RARB: variants seen among roughly 807,000 people sequenced by gnomAD.
RARB encodes the protein retinoic acid receptor beta.
A neutral mutation model predicts 51.9 loss-of-function variants in RARB; 17 were observed. The ratio of observed to expected loss-of-function variants is 0.33; its 90% CI spans 0.22 to 0.49. RARB has a LOEUF of 0.49. Ranked by LOEUF, RARB falls within the 20% of genes least tolerant of loss-of-function variation. The probability of loss-of-function intolerance (pLI) is 0.99; values close to 1 mark genes in which losing one functional copy is unlikely to be tolerated. For synonymous variants in RARB, 215 were observed against 195.4 expected, an observed-to-expected ratio of 1.10 and a Z score of -0.84; for missense variants, 369 against 550.8, an observed-to-expected ratio of 0.67 and a Z score of 3.30.
At chr3:25,069,594 C>G (rs574502025) in intron 3 of RARB, among the ~76,000 whole-genome samples, 1 of 152,108 alleles carries the variant, frequency 6.6e-6, no homozygotes, top group Non-Finnish European at 1.5e-5. Flanking sequence ...TGTCTACCAC[C>G]TGGATGTAAA....
chr3:25,099,748 C>T (rs1239423977), intron 3 of RARB, among the ~76,000 whole-genome samples: 5 of 151,966 alleles, frequency 3.3e-5, no homozygotes, highest in South Asian at 4.1e-4. Context: ...TGTCCTTTTT[C>T]GGTTTTCCGA....
At chr3:25,467,702 A>G (rs1695498578) in intron 2 of RARB, among the ~76,000 whole-genome samples, 1 of 152,254 alleles carries the variant, frequency 6.6e-6, no homozygotes, top group Non-Finnish European at 1.5e-5. Context: ...GGGAGAGCCT[A>G]CCAGAACTTG....
chr3:25,144,503 A>G (rs1477238576), intron 4 of RARB, among the ~76,000 whole-genome samples: 1 of 152,164 alleles, frequency 6.6e-6, no homozygotes, highest in Non-Finnish European at 1.5e-5. Context: ...AATTCAGATC[A>G]AATGCATATA....
At position 25,428,726 on chromosome 3, in the gene RARB, G is replaced by A; in HGVS notation, c.-6G>A. The A allele has an allele frequency of 6.2e-7, 1 of 1,613,182 alleles. No individual in the cohort carries two copies. The highest frequency in any genetic ancestry group is 1.7e-4 in the Middle Eastern group (1 of 6,046). ...ACTTTTGCAGACATTCAGTGCAAGG[G>A]AGATCATGTTTGACTGTATGGATGT... On this transcript the variant is annotated 5_prime_UTR_variant, in exon 1 of 8. Transcript: ENST00000330688.
intron 2 of RARB, among the ~76,000 whole-genome samples, chr3:24,894,447 ATTC>A (rs1156823495): frequency 2.0e-5 from 3 of 152,042 alleles, no homozygotes; most frequent in African/African-American, 4.8e-5. Context: ...ACATGATTTT[ATTC>A]TTCTTTATGG....
intron 2 of RARB, among the ~76,000 whole-genome samples, chr3:24,951,604 A>G (rs918074088): frequency 7.2e-5 from 11 of 152,178 alleles, no homozygotes; most frequent in African/African-American, 2.4e-4. Flanking sequence ...CTAGGCATCC[A>G]TTGTGAGGCT....
At chr3:25,348,014 G>A (rs374995492) in intron 5 of RARB, among the ~76,000 whole-genome samples, 3 of 152,132 alleles carry the variant, frequency 2.0e-5, no homozygotes, top group South Asian at 4.1e-4. Flanking sequence ...CATTGCAAAC[G>A]TACTGATTAA....
At chr3:25,099,936 G>A (rs1699368694) in intron 3 of RARB, among the ~76,000 whole-genome samples, 2 of 152,128 alleles carry the variant, frequency 1.3e-5, no homozygotes, top group African/African-American at 4.8e-5. Flanking sequence ...GGACTACCTT[G>A]GCTCCTTGGC....
intron 4 of RARB, among the ~76,000 whole-genome samples, chr3:25,160,687 T>C (rs1700460041): frequency 6.6e-6 from 1 of 152,196 alleles, no homozygotes; most frequent in Non-Finnish European, 1.5e-5. Context: ...AAGCTTAAAA[T>C]AGAAATGTAT....
chr3:24,917,253 C>A (rs1306013021), intron 2 of RARB, among the ~76,000 whole-genome samples: 1 of 151,976 alleles, frequency 6.6e-6, no homozygotes, highest in Non-Finnish European at 1.5e-5. Flanking sequence ...AACTTCATGA[C>A]CTTAGGTTAA....
At chr3:25,245,712 C>G (rs1470286278) in intron 5 of RARB, among the ~76,000 whole-genome samples, 1 of 152,154 alleles carries the variant, frequency 6.6e-6, no homozygotes, top group Non-Finnish European at 1.5e-5. Flanking sequence ...GTAACCTGAC[C>G]TTTCTCTCTG....
At chr3:25,423,575 C>T (rs1348724563), upstream of RARB, among the ~76,000 whole-genome samples, 1 of 152,148 alleles carries the variant, frequency 6.6e-6, no homozygotes, top group Non-Finnish European at 1.5e-5. Flanking sequence ...ATGCCTGGCA[C>T]ATGGTAGGTA....
At chr3:24,997,356 G>A (rs1167549870) in intron 2 of RARB, among the ~76,000 whole-genome samples, 2 of 151,424 alleles carry the variant, frequency 1.3e-5, no homozygotes, top group East Asian at 1.9e-4. Context: ...GTCTTTACAG[G>A]TGATGTTGGC....
At chr3:24,982,345 C>G (rs533387490) in intron 2 of RARB, among the ~76,000 whole-genome samples, 1 of 152,224 alleles carries the variant, frequency 6.6e-6, no homozygotes, top group Non-Finnish European at 1.5e-5. Flanking sequence ...ATTTCTACAT[C>G]TTTTCTCAGA....
intron 2 of RARB, among the ~76,000 whole-genome samples, chr3:24,897,751 G>GT (rs766821667): frequency 0.048 from 3,520 of 72,900 alleles, 81 homozygotes; most frequent in Middle Eastern, 0.11. Flanking sequence ...ATGCTCTGAG[G>GT]CTTTTTTTTT....
chr3:25,431,630 A>G (rs1708210518), intron 1 of RARB, among the ~76,000 whole-genome samples: 1 of 152,174 alleles, frequency 6.6e-6, no homozygotes, highest in Non-Finnish European at 1.5e-5. Context: ...GATAAATCTT[A>G]ATATTTTGTG....
intron 2 of RARB, among the ~76,000 whole-genome samples, chr3:24,922,282 C>G (rs1394314530): frequency 6.6e-6 from 1 of 152,122 alleles, no homozygotes; most frequent in African/African-American, 2.4e-5. Context: ...TAATTCCTGG[C>G]ACACAGAACT....
chr3:24,936,587 G>A (rs1695553256), intron 2 of RARB, among the ~76,000 whole-genome samples: 1 of 152,194 alleles, frequency 6.6e-6, no homozygotes, highest in Admixed American at 6.5e-5. Flanking sequence ...ACATGAGAAA[G>A]AGGGAAAGAA....
At chr3:24,976,273 T>C (rs4524245) in intron 2 of RARB, among the ~76,000 whole-genome samples, 115,147 of 152,058 alleles carry the variant, frequency 0.76, 44,051 homozygotes, top group East Asian at 0.93. Flanking sequence ...ATAATTCTTT[T>C]GGTATATACT....
Sources: allele counts gnomAD v4.1 joint callset (sites outside exome capture counted in the v4.1 genomes callset), GRCh38; gene constraint gnomAD v4.1.1; transcripts MANE v1.5; gene names NCBI Gene and HGNC (gene_info 2026-07-23, HGNC 2026-07-21).